TNRC6A: variants seen among roughly 807,000 people sequenced by gnomAD.
TNRC6A encodes trinucleotide repeat-containing gene 6A protein.
In TNRC6A, 44 loss-of-function variants were observed where a neutral mutation model predicts 221.2. The observed-to-expected ratio is 0.20, with a 90% CI of 0.16 to 0.26. The LOEUF is 0.26. Ranked by LOEUF, TNRC6A falls within the 10% of genes least tolerant of loss-of-function variation. The pLI, the probability that TNRC6A is intolerant of heterozygous loss-of-function variation, is 1.00. For missense variants in TNRC6A, 2,199 were observed against 2,404.4 expected (o/e 0.91, Z 1.79); for synonymous variants, 847 against 838.5 (o/e 1.01, Z -0.18).
intron 1 of TNRC6A, among the ~76,000 whole-genome samples, chr16:24,614,161 C>T (rs975010677): frequency 1.3e-5 from 2 of 152,236 alleles, no homozygotes; most frequent in Admixed American, 1.3e-4. Flanking sequence ...ACGTGTCTCC[C>T]TAGCTAGAGG....
At chr16:24,805,902 T>C (rs1185970349) in intron 15 of TNRC6A, among the ~76,000 whole-genome samples, 169 bp downstream of exon 15, 1 of 152,222 alleles carries the variant, frequency 6.6e-6, no homozygotes, top group Non-Finnish European at 1.5e-5. Flanking sequence ...TTGTGAAGAA[T>C]GTCTTGAAGA....
At position 24,822,751 on chromosome 16, in the gene TNRC6A, A is replaced by C. The variant is rs139993710; in HGVS notation, c.5374-123A>C. The C allele has an allele frequency of 9.5e-4, 1,275 of 1,337,264 alleles. 10 individuals carry two copies. The African/African-American group carries it at 0.014, about 15-fold the overall frequency. 82.8% of individuals were successfully genotyped at this position (1,337,264 alleles called of 1,614,324 possible). ...TCAGAGCAACGTCAGAGTGTCAGTG[A>C]AGAGTGGTGCCAGGAGCACAGAGCC... On this transcript the variant is annotated intron_variant, in intron 23 of 24. Coordinates refer to ENST00000395799, the MANE Select transcript of TNRC6A (RefSeq NM_014494.4).
chr16:24,786,024 C>T (rs768833587), intron 5 of TNRC6A, among the ~76,000 whole-genome samples: 4 of 152,076 alleles, frequency 2.6e-5, no homozygotes, highest in South Asian at 2.1e-4. Context: ...GTTTTTGCCC[C>T]GTTTGGGAGG....
rs577339963 is a variant in TNRC6A, at chr16:24,644,748, C to T, written n.402+3739C>T. ...GATTACAGGCATGAGCCACCACACC[C>T]AGCCCATCACTATTGAATAGAATAA... On this transcript the variant is annotated intron_variant and non_coding_transcript_variant, in intron 2 of 2. Transcript: ENST00000566108. 4.0e-4 allele frequency among the ~76,000 whole-genome samples: 61 copies of T among 152,270 alleles called. 1 individual carries two copies. The South Asian group carries it at 9.1e-3, about 23-fold the overall frequency.
At chr16:24,785,654 A>G (rs2057951139) in intron 5 of TNRC6A, among the ~76,000 whole-genome samples, 1 of 152,038 alleles carries the variant, frequency 6.6e-6, no homozygotes, top group Non-Finnish European at 1.5e-5. Context: ...GATGACAAGT[A>G]TTTTTGTCTT....
intron 2 of TNRC6A, among the ~76,000 whole-genome samples, chr16:24,658,687 C>A (rs1193080204): frequency 6.6e-6 from 1 of 151,944 alleles, no homozygotes; most frequent in Non-Finnish European, 1.5e-5. Context: ...TGTTTTTGAG[C>A]TTTCTTCCTC....
At chr16:24,640,112 C>G (rs535134587) in intron 1 of TNRC6A, among the ~76,000 whole-genome samples, 5 of 152,060 alleles carry the variant, frequency 3.3e-5, no homozygotes, top group African/African-American at 1.2e-4. Context: ...AGATAATAGA[C>G]CAGCCAGCCA....
intron 2 of TNRC6A, among the ~76,000 whole-genome samples, chr16:24,682,242 T>G (rs1337650615): frequency 6.6e-6 from 1 of 151,980 alleles, no homozygotes; most frequent in Non-Finnish European, 1.5e-5. Flanking sequence ...TTTTTTTTTT[T>G]TAAAGGCAGG....
chr16:24,789,895 G>A lies in TNRC6A; in HGVS notation c.1253G>A (p.Gly418Asp). 1 of 1,614,050 alleles carries A rather than the reference G, an allele frequency of 6.2e-7. No individual in the cohort carries two copies. Among genetic ancestry groups the A allele is most frequent in the Non-Finnish European group, 8.5e-7 (1 of 1,180,028 alleles). ...NSKVSGGSTH[G>D]TWGSLQETCE... ...AAAGTGAGTGGTGGTTCTACCCATG[G>A]TACCTGGGGAAGCCTTCAGGAAACT... Residue 418 changes from glycine (G) to aspartate (D), a missense_variant, in exon 6 of 25, where the codon GGT (glycine) becomes GAT (aspartate). Physicochemically the swap from Gly to Asp is moderately conservative, Grantham distance 94. Coordinates refer to ENST00000395799, the MANE Select transcript of TNRC6A (RefSeq NM_014494.4).
intron 2 of TNRC6A, among the ~76,000 whole-genome samples, chr16:24,698,247 G>T (rs988302203): frequency 1.3e-5 from 2 of 152,080 alleles, no homozygotes; most frequent in African/African-American, 4.8e-5. Flanking sequence ...GGTCCTCAAT[G>T]GATTCACAAG....
rs1567522536 is a variant in TNRC6A at position 24,818,679 on chromosome 16, A to T, written c.5059A>T (p.Ser1687Cys). 6.2e-7 allele frequency: 1 copy of T among 1,614,140 alleles called. No individual in the cohort carries two copies. Among genetic ancestry groups the T allele is most frequent in the Non-Finnish European group, 8.5e-7 (1 of 1,179,990 alleles). The change falls in exon 21 of 25, where the codon AGT becomes TGT. Residue 1687 changes from serine (S) to cysteine (C), a missense_variant. Around this residue, in one of 8 missense-constraint regions of TNRC6A, gnomAD observed 449 missense variants for 579.7 expected, o/e 0.77. Transcript: ENST00000395799. ...CTCCAACTACAACGTTCCCCTCAGC[A>T]GTACAGCACAAAGCACTTCAGGTGG... ...RASNYNVPLS[S>C]TAQSTSARNS...
chr16:24,758,209 C>T, intron 3 of TNRC6A, 130 bp from the exon 4 acceptor site: 2 of 870,256 alleles, frequency 2.3e-6, no homozygotes, highest in Non-Finnish European at 3.5e-6. Flanking sequence ...TGCAGTTCAT[C>T]TATTTGAGAA....
chr16:24,822,817 C>A, intron 23 of TNRC6A, 57 bp from the exon 24 acceptor site: 3 of 1,606,108 alleles, frequency 1.9e-6, no homozygotes, highest in Non-Finnish European at 2.6e-6. Flanking sequence ...CCTGAAACAG[C>A]CTCCTGGAGG....
intron 4 of TNRC6A, among the ~76,000 whole-genome samples, chr16:24,775,337 C>T (rs565988205): frequency 6.6e-6 from 1 of 151,904 alleles, no homozygotes; most frequent in South Asian, 2.1e-4. Flanking sequence ...TAATTATTCA[C>T]TGTAATTCTT....
chr16:24,776,113 G>A (rs976839295), intron 4 of TNRC6A, among the ~76,000 whole-genome samples: 5 of 152,022 alleles, frequency 3.3e-5, no homozygotes, highest in African/African-American at 1.2e-4. Flanking sequence ...GCAGGGCTGG[G>A]GTTGAAACCT....
intron 2 of TNRC6A, chr16:24,662,638 A>G (rs985914531): frequency 3.9e-5 from 6 of 153,356 alleles, no homozygotes; most frequent in African/African-American, 1.4e-4. Flanking sequence ...GAAAATTACA[A>G]ATCCATCCAG....
chr16:24,748,796 C>A (rs1389977683), intron 2 of TNRC6A, among the ~76,000 whole-genome samples: 1 of 152,154 alleles, frequency 6.6e-6, no homozygotes, highest in African/African-American at 2.4e-5. Flanking sequence ...TCCCTACTGC[C>A]ATATGCATTC....
chr16:24,799,254 T>G (rs1017120604), intron 11 of TNRC6A, among the ~76,000 whole-genome samples: 1 of 152,214 alleles, frequency 6.6e-6, no homozygotes, highest in Non-Finnish European at 1.5e-5. Context: ...TCCATTTTTT[T>G]TCACAGAGCA....
intron 2 of TNRC6A, among the ~76,000 whole-genome samples, chr16:24,717,688 G>T (rs1222752331): frequency 6.6e-6 from 1 of 151,714 alleles, no homozygotes; most frequent in Non-Finnish European, 1.5e-5. Context: ...AACAAACAGG[G>T]TAAGAAACTG....
Sources: allele counts gnomAD v4.1 joint callset (sites outside exome capture counted in the v4.1 genomes callset), GRCh38; gene constraint gnomAD v4.1.1; regional missense constraint gnomAD v4.1.1; transcripts MANE v1.5; gene names NCBI Gene and HGNC (gene_info 2026-07-23, HGNC 2026-07-21).